EYA4: variants seen among roughly 807,000 people sequenced by gnomAD.
EYA4 encodes protein phosphatase EYA4.
Under a neutral mutation model 87.9 loss-of-function variants are expected in EYA4, and 31 were observed. The ratio of observed to expected loss-of-function variants is 0.35; its 90% confidence interval spans 0.27 to 0.48. The LOEUF is 0.48. Ranked by LOEUF, EYA4 falls within the 20% of genes least tolerant of loss-of-function variation. EYA4 has a pLI of 0.99. For synonymous variants in EYA4, 263 were observed against 270.6 expected (o/e 0.97, Z 0.28); for missense variants, 678 against 761.4 (o/e 0.89, Z 1.29).
intron 2 of EYA4, among the ~76,000 whole-genome samples, chr6:133,285,089 C>A (rs148121845): frequency 3.3e-5 from 5 of 150,636 alleles, no homozygotes; most frequent in African/African-American, 1.2e-4. Flanking sequence ...CTCCACCTCC[C>A]GGGTTCACGC....
chr6:133,505,617 C>T (rs1319476495), intron 13 of EYA4, among the ~76,000 whole-genome samples: 2 of 152,170 alleles, frequency 1.3e-5, no homozygotes. Flanking sequence ...CTTCCTGTTT[C>T]ACCTCCAGAT....
chr6:133,356,626 C>G (rs1784054681), intron 2 of EYA4, among the ~76,000 whole-genome samples: 1 of 151,860 alleles, frequency 6.6e-6, no homozygotes, highest in Non-Finnish European at 1.5e-5. Context: ...TATTATGAAG[C>G]AAGCCTTATA....
chr6:133,441,612 T>C (rs1321537761), intron 3 of EYA4, among the ~76,000 whole-genome samples: 1 of 152,146 alleles, frequency 6.6e-6, no homozygotes. Flanking sequence ...CTAATTCTGA[T>C]TGGCTAATTT....
At chr6:133,310,566 A>G (rs1156453853) in intron 2 of EYA4, among the ~76,000 whole-genome samples, 1 of 152,226 alleles carries the variant, frequency 6.6e-6, no homozygotes, top group Admixed American at 6.5e-5. Flanking sequence ...ATCGTCAAAT[A>G]TTTGGTAATA....
intron 1 of EYA4, among the ~76,000 whole-genome samples, chr6:133,253,908 T>C (rs1775126756): frequency 6.6e-6 from 1 of 152,132 alleles, no homozygotes; most frequent in African/African-American, 2.4e-5. Flanking sequence ...CCTGGAGATG[T>C]TAATGGAAAT....
intron 14 of EYA4, among the ~76,000 whole-genome samples, chr6:133,511,465 TATAA>T (rs1242026501): frequency 2.0e-5 from 3 of 150,906 alleles, no homozygotes; most frequent in African/African-American, 7.4e-5. Flanking sequence ...AGTTATTTAT[TATAA>T]ATAATTTATT....
At chr6:133,378,370 A>G (rs2081301890) in intron 2 of EYA4, among the ~76,000 whole-genome samples, 1 of 152,138 alleles carries the variant, frequency 6.6e-6, no homozygotes, top group Non-Finnish European at 1.5e-5. Flanking sequence ...ATGAGATTAT[A>G]TATATACATA....
intron 1 of EYA4, among the ~76,000 whole-genome samples, chr6:133,244,905 A>C (rs1015522390): frequency 3.3e-5 from 5 of 152,162 alleles, no homozygotes; most frequent in Non-Finnish European, 7.4e-5. Flanking sequence ...ATTGTTATAA[A>C]AAGTTAGAAT....
rs368106944 is a variant in EYA4, at chr6:133,399,340, C to T, written c.83+16899C>T. Reference sequence around the variant, plus strand: ...TAGTACTTCAATGTATTTTTCTCTCCCTTTCAAGTAGAGGATGACTATGAG... The same window carrying T: ...TAGTACTTCAATGTATTTTTCTCTCTCTTTCAAGTAGAGGATGACTATGAG... On this transcript the variant is annotated intron_variant, in intron 3 of 19. Coordinates refer to ENST00000355286, the MANE Select transcript of EYA4 (RefSeq NM_004100.5). 1.4e-4 allele frequency among the ~76,000 whole-genome samples: 21 copies of T among 152,050 alleles called. No homozygotes were observed. In the South Asian group the frequency reaches 4.4e-3, roughly 32 times the overall value.
rs1437282967 is a variant in EYA4, at chr6:133,385,389, CTCTGTGTGTGTGTGTGTGTG to C, written c.83+2950_83+2969del. Among the ~76,000 whole-genome samples, 178 of 64,974 alleles carry C rather than the reference CTCTGTGTGTGTGTGTGTGTG, an allele frequency of 2.7e-3. 6 individuals are homozygous for C. Among genetic ancestry groups the C allele is most frequent in the Non-Finnish European group, 5.7e-3 (139 of 24,510 alleles). 42.6% of individuals were successfully genotyped at this position (64,974 alleles called of 152,430 possible). On this transcript the variant is annotated intron_variant, in intron 3 of 19. Transcript: ENST00000355286. ...TCCTCTGTGTGTGTATGTATGCTCT[CTCTGTGTGTGTGTGTGTGTG>C]TGTGTGTGTGTGTGTGTGTGTGTGT...
intron 18 of EYA4, among the ~76,000 whole-genome samples, chr6:133,524,261 T>C (rs1800436198): frequency 6.6e-6 from 1 of 152,208 alleles, no homozygotes; most frequent in East Asian, 1.9e-4. Flanking sequence ...CAATATTCTT[T>C]CTGTTGGCGA....
At position 133,451,955 on chromosome 6, in the gene EYA4, A is replaced by G. The variant is rs77321455; in HGVS notation, c.277+3776A>G. Among the ~76,000 whole-genome samples, 10 of 134,548 alleles carry G rather than the reference A, an allele frequency of 7.4e-5. No individual in the cohort carries two copies. The South Asian group carries it at 1.2e-3, about 16-fold the overall frequency. 88.3% of individuals were successfully genotyped at this position (134,548 alleles called of 152,430 possible). Reference sequence around the variant, plus strand: ...CTGCTGTGGGTCAGCTCTTTTGTAGATTTTTTTTTAGAATAAAAGTCATAA... The same window carrying G: ...CTGCTGTGGGTCAGCTCTTTTGTAGGTTTTTTTTTAGAATAAAAGTCATAA... On this transcript the variant is annotated intron_variant, in intron 5 of 19. Coordinates refer to ENST00000355286, the MANE Select transcript of EYA4 (RefSeq NM_004100.5).
chr6:133,481,537 T>C lies in EYA4; in HGVS notation c.1045T>C (p.Ser349Pro), dbSNP rs759121860. ...LDERTCRSSG[S>P]KSRGRGRKNN... ...TGAGAGAACCTGTAGGAGTTCTGGG[T>C]CAAAGTCCAGAGGAAGAGGCCGGAA... Residue 349 changes from serine (S) to proline (P), a missense_variant, in exon 12 of 20, where the codon TCA becomes CCA. Physicochemically the swap from Ser to Pro is moderately conservative, Grantham distance 74. Coordinates refer to ENST00000355286, the MANE Select transcript of EYA4 (RefSeq NM_004100.5). 11 of 1,613,978 alleles carry C rather than the reference T, an allele frequency of 6.8e-6. No homozygotes were observed. The highest frequency in any genetic ancestry group is 8.5e-6 in the Non-Finnish European group (10 of 1,179,920).
intron 2 of EYA4, among the ~76,000 whole-genome samples, chr6:133,370,172 A>G (rs1785161298): frequency 6.6e-6 from 1 of 152,166 alleles, no homozygotes; most frequent in East Asian, 1.9e-4. Context: ...GTTTCATTCT[A>G]CTGACAATGG....
chr6:133,461,718 G>A (rs1004952487), intron 7 of EYA4, among the ~76,000 whole-genome samples: 1 of 151,478 alleles, frequency 6.6e-6, no homozygotes, highest in African/African-American at 2.4e-5. Context: ...GCAGCATCTA[G>A]AGTGTCTGCC....
intron 7 of EYA4, chr6:133,462,044 G>T: frequency 4.7e-6 from 2 of 421,122 alleles, no homozygotes; most frequent in Non-Finnish European, 8.9e-6. Context: ...ATATGAGCAA[G>T]AATTGTAGAC....
rs766270154 is a variant in EYA4, at chr6:133,462,682, A to G, written c.642A>G (p.Pro214=). The change falls in exon 9 of 20, where the codon CCA becomes CCG. Residue 214 remains proline, a synonymous_variant. Transcript: ENST00000355286. ...GTGGACTTTCCCAAACTCAGTCCCC[A>G]TTACAGAGTGGCTGCCTCAGTTACA... The part of the protein sequence containing the change: ...TESGLSQTQS[P]LQSGCLSYSP... The G allele has an allele frequency of 9.3e-6, 15 of 1,613,966 alleles. No individual in the cohort carries two copies. The South Asian group carries it at 1.4e-4, about 15-fold the overall frequency.
chr6:133,261,074 T>G (rs544512510), intron 1 of EYA4, among the ~76,000 whole-genome samples: 2 of 152,340 alleles, frequency 1.3e-5, no homozygotes, highest in South Asian at 4.1e-4. Flanking sequence ...TCCTTTGTCT[T>G]ATTGATGTAT....
chr6:133,341,364 C>T (rs139228541), intron 2 of EYA4, among the ~76,000 whole-genome samples: 87 of 152,270 alleles, frequency 5.7e-4, no homozygotes, highest in Middle Eastern at 6.8e-3. Context: ...ATTCCACTGA[C>T]ATTTAGTGGA....
Sources: allele counts gnomAD v4.1 joint callset (sites outside exome capture counted in the v4.1 genomes callset), GRCh38; gene constraint gnomAD v4.1.1; transcripts MANE v1.5; gene names NCBI Gene and HGNC (gene_info 2026-07-23, HGNC 2026-07-21).